MTFR1: variants seen among roughly 807,000 people sequenced by gnomAD.
MTFR1 encodes the protein chondrocyte protein with a poly-proline region.
In MTFR1, 28 loss-of-function variants were observed where a neutral mutation model predicts 38.8. That is an observed-to-expected ratio of 0.72 (90% CI 0.53 to 0.99). The LOEUF is 0.99. Among genes scored for constraint, MTFR1 ranks in the 50% least tolerant of loss-of-function variants. The probability of loss-of-function intolerance (pLI) is 0.00; values close to 1 mark genes in which losing one functional copy is unlikely to be tolerated. For synonymous variants in MTFR1, 145 were observed against 137.0 expected, an observed-to-expected ratio of 1.06 and a Z score of -0.41; for missense variants, 358 against 395.5, an observed-to-expected ratio of 0.91 and a Z score of 0.81.
chr8:65,649,451 T>A (rs911803836), intron 1 of MTFR1, among the ~76,000 whole-genome samples: 1 of 152,194 alleles, frequency 6.6e-6, no homozygotes, highest in Non-Finnish European at 1.5e-5. Flanking sequence ...CCCAAAGTGC[T>A]GGGATTACAG....
chr8:65,770,121 CTGTGTGTGTGTG>C (rs10608556), intron 3 of MTFR1, among the ~76,000 whole-genome samples: 12,582 of 146,472 alleles, frequency 0.086, 1,480 homozygotes, highest in East Asian at 0.51. Context: ...CAGTATACTT[CTGTGTGTGTGTG>C]TGTGTGTGTG....
At chr8:65,751,750 C>T (rs1384358710) in intron 3 of MTFR1, among the ~76,000 whole-genome samples, 2 of 152,184 alleles carry the variant, frequency 1.3e-5, no homozygotes, top group African/African-American at 2.4e-5. Context: ...CCGCGGCCTC[C>T]CAAAATGCTG....
intron 1 of MTFR1, among the ~76,000 whole-genome samples, chr8:65,647,128 A>G (rs1306647797): frequency 3.9e-5 from 6 of 152,236 alleles, no homozygotes; most frequent in African/African-American, 1.4e-4. Context: ...ACAGGAAGAT[A>G]GCTGGTACTG....
At chr8:65,686,259 A>G (rs1052418821) in intron 3 of MTFR1, among the ~76,000 whole-genome samples, 6 of 152,180 alleles carry the variant, frequency 3.9e-5, no homozygotes, top group Admixed American at 3.3e-4. Flanking sequence ...CCAGCAACAA[A>G]TAGTATGTTT....
At chr8:65,644,339 C>T (rs1808889248), upstream of MTFR1, among the ~76,000 whole-genome samples, 1 of 152,138 alleles carries the variant, frequency 6.6e-6, no homozygotes, top group Non-Finnish European at 1.5e-5. Context: ...GCCGGGTGGA[C>T]ACAGGTCCCT....
At chr8:65,731,983 A>G (rs117027460) in intron 3 of MTFR1, among the ~76,000 whole-genome samples, 7,619 of 143,014 alleles carry the variant, frequency 0.053, 206 homozygotes, top group Non-Finnish European at 0.073. Context: ...TATTATTATT[A>G]TTATTGTTGT....
chr8:65,680,362 C>T (rs1345048107), intron 2 of MTFR1, among the ~76,000 whole-genome samples: 1 of 152,070 alleles, frequency 6.6e-6, no homozygotes, highest in Non-Finnish European at 1.5e-5. Flanking sequence ...GGCGGTCTCA[C>T]AAAAAGACCC....
intron 6 of MTFR1, 99 bp from the exon 7 acceptor site, chr8:65,707,744 T>TA: frequency 5.5e-6 from 8 of 1,442,410 alleles, no homozygotes; most frequent in Non-Finnish European, 7.5e-6. Flanking sequence ...GTAGCTATGA[T>TA]GCTGGAGAGG....
intron 1 of MTFR1, among the ~76,000 whole-genome samples, chr8:65,655,383 G>A (rs1305735535): frequency 1.3e-5 from 2 of 152,154 alleles, no homozygotes; most frequent in Non-Finnish European, 2.9e-5. Context: ...GTTGAGAGAT[G>A]TGGTAGTATA....
rs186761563 is a variant in MTFR1, at chr8:65,723,065, C to A, written c.*48+3584C>A. On this transcript the variant is annotated intron_variant, in intron 3 of 3. Transcript: ENST00000521247. ...AGCATTTGAAGCAAGATTATAAGGG[C>A]CTGTCTAGGATGTTGAAGAGTTAGA... 360 of 152,572 alleles carry A rather than the reference C, an allele frequency of 2.4e-3. 3 individuals are homozygous for A. Among genetic ancestry groups the A allele is most frequent in the Non-Finnish European group, 3.2e-3 (218 of 68,312 alleles). The allele number at this position is 152,572 out of a possible 1,614,324, so 9.5% of individuals were successfully genotyped here.
intron 3 of MTFR1, among the ~76,000 whole-genome samples, chr8:65,744,932 G>A (rs1382970836): frequency 6.6e-6 from 1 of 152,120 alleles, no homozygotes; most frequent in Non-Finnish European, 1.5e-5. Context: ...TCCCTGATAT[G>A]GTTTGGCTGT....
chr8:65,704,909 A>G lies in MTFR1; in HGVS notation c.497A>G (p.Glu166Gly), dbSNP rs371050522. The change falls in exon 5 of 8, where the codon GAG (glutamate) becomes GGG (glycine). Residue 166 changes from glutamate (E) to glycine (G), a missense_variant. Physicochemically the swap from Glu to Gly is moderately conservative, Grantham distance 98 (BLOSUM62 -2). Transcript: ENST00000262146. Reference protein sequence around the residue: ...AQIAKIVTQQEQQNLTAGDLD... With the variant: ...AQIAKIVTQQGQQNLTAGDLD... ...ATTGCCAAAATTGTGACCCAGCAGGAGCAGCAAAATCTCACTGCAGGTCTG... is the reference window on the plus strand; with the variant it reads ...ATTGCCAAAATTGTGACCCAGCAGGGGCAGCAAAATCTCACTGCAGGTCTG... 1.4e-5 allele frequency: 22 copies of G among 1,596,604 alleles called. No individual in the cohort carries two copies. The African/African-American group carries it at 2.5e-4, about 18-fold the overall frequency.
chr8:65,769,167 GA>G (rs1808948750), intron 3 of MTFR1, among the ~76,000 whole-genome samples: 1 of 147,286 alleles, frequency 6.8e-6, no homozygotes, highest in African/African-American at 2.5e-5. Flanking sequence ...AGAATTGCTT[GA>G]ACCAGGGAGT....
intron 3 of MTFR1, among the ~76,000 whole-genome samples, chr8:65,691,754 AT>A (rs1177643519): frequency 6.6e-6 from 1 of 152,016 alleles, no homozygotes; most frequent in Non-Finnish European, 1.5e-5. Context: ...TGTTGAAGTG[AT>A]TCTCATGCCT....
intron 3 of MTFR1, among the ~76,000 whole-genome samples, chr8:65,730,266 C>T (rs1458824925): frequency 6.9e-6 from 1 of 144,716 alleles, no homozygotes; most frequent in East Asian, 2.0e-4. Context: ...CCGAAACCTC[C>T]ACCTCCCGGG....
At chr8:65,644,057 T>G (rs7842162), upstream of MTFR1, among the ~76,000 whole-genome samples, 101,093 of 152,108 alleles carry the variant, frequency 0.66, 34,072 homozygotes, top group African/African-American at 0.77. Context: ...TACATAGGAA[T>G]CTTTCATCAC....
upstream of MTFR1, chr8:65,644,677 C>T (rs1808898514): frequency 6.6e-6 from 1 of 152,272 alleles, no homozygotes; most frequent in South Asian, 2.1e-4. Flanking sequence ...GATTGATCAG[C>T]CTGGCTCAGG....
intron 1 of MTFR1, among the ~76,000 whole-genome samples, chr8:65,669,634 C>T (rs1804506180): frequency 6.6e-6 from 1 of 152,082 alleles, no homozygotes; most frequent in Non-Finnish European, 1.5e-5. Flanking sequence ...TCACCGCAAC[C>T]TCCGCCTCCT....
At chr8:65,702,940 C>T (rs908129055) in intron 4 of MTFR1, among the ~76,000 whole-genome samples, 1 of 152,052 alleles carries the variant, frequency 6.6e-6, no homozygotes, top group Non-Finnish European at 1.5e-5. Context: ...TAAGTAAGAA[C>T]CTGTGTGCCT....
Sources: allele counts gnomAD v4.1 joint callset (sites outside exome capture counted in the v4.1 genomes callset), GRCh38; gene constraint gnomAD v4.1.1; transcripts MANE v1.5; gene names NCBI Gene and HGNC (gene_info 2026-07-23, HGNC 2026-07-21).